The following RANBP17 variants were observed in gnomAD, a reference collection of about 807,000 sequenced individuals.
RANBP17 encodes the protein RAN binding protein 17.
RANBP17 carries 158 observed loss-of-function variants against 141.2 expected under a neutral mutation model. The ratio of observed to expected loss-of-function variants is 1.12; its 90% CI spans 0.98 to 1.28. The LOEUF is 1.28. Ranked by LOEUF, RANBP17 falls within the 50% of genes most tolerant of loss-of-function variation. The pLI, the probability that RANBP17 is intolerant of heterozygous loss-of-function variation, is 0.00. For synonymous variants in RANBP17, 430 were observed against 450.0 expected (o/e 0.96, Z 0.56); for missense variants, 1,438 against 1,290.7 (o/e 1.11, Z -1.75).
intron 14 of RANBP17, among the ~76,000 whole-genome samples, chr5:171,070,034 A>C (rs1008608583): frequency 2.0e-5 from 3 of 152,208 alleles, no homozygotes; most frequent in Admixed American, 6.5e-5. Flanking sequence ...AACTCAGTAC[A>C]CAAAATTTCT....
chr5:171,064,524 T>G (rs2127680823), intron 14 of RANBP17, among the ~76,000 whole-genome samples: 1 of 152,260 alleles, frequency 6.6e-6, no homozygotes, highest in Admixed American at 6.5e-5. Flanking sequence ...TCAGACAGGG[T>G]TTCACTCTGT....
chr5:171,031,502 T>C (rs531141224), intron 14 of RANBP17, among the ~76,000 whole-genome samples: 19 of 152,160 alleles, frequency 1.2e-4, no homozygotes, highest in African/African-American at 4.3e-4. Context: ...CCAGGCATTA[T>C]GGAGATGATA....
At chr5:170,950,389 A>C (rs1581219280) in intron 12 of RANBP17, among the ~76,000 whole-genome samples, 2 of 146,062 alleles carry the variant, frequency 1.4e-5, no homozygotes, top group South Asian at 4.4e-4. Context: ...AAACAAAAAC[A>C]AAAAAAAAAT....
chr5:171,289,224 C>T (rs772286111), intron 25 of RANBP17, among the ~76,000 whole-genome samples: 82 of 152,332 alleles, frequency 5.4e-4, no homozygotes, highest in Non-Finnish European at 6.9e-4. Flanking sequence ...CCATTGCAAT[C>T]ATCACCCTGT....
At chr5:170,870,416 G>T (rs1767625433) in intron 1 of RANBP17, among the ~76,000 whole-genome samples, 1 of 150,806 alleles carries the variant, frequency 6.6e-6, no homozygotes. Flanking sequence ...TCCCCTCCCT[G>T]TGTCCATGTG....
chr5:171,050,004 G>GAATC (rs1266194981), intron 14 of RANBP17, among the ~76,000 whole-genome samples: 1 of 152,134 alleles, frequency 6.6e-6, no homozygotes, highest in Non-Finnish European at 1.5e-5. Context: ...ATTCTGTGAA[G>GAATC]AATCACATTG....
intron 4 of RANBP17, among the ~76,000 whole-genome samples, chr5:170,893,788 G>A (rs1257412834): frequency 6.2e-5 from 9 of 145,780 alleles, no homozygotes; most frequent in East Asian, 2.0e-4. Flanking sequence ...GCAAGACTCC[G>A]TCTCAAAAAA....
At chr5:170,955,551 C>T in intron 13 of RANBP17, among the ~76,000 whole-genome samples, 1 of 43,348 alleles carries the variant, frequency 2.3e-5, no homozygotes, top group African/African-American at 6.6e-5. Context: ...TATGCTCAGT[C>T]TGTGTATATA....
intron 18 of RANBP17, among the ~76,000 whole-genome samples, chr5:171,188,710 T>C (rs776867920): frequency 1.3e-5 from 2 of 152,218 alleles, no homozygotes; most frequent in Non-Finnish European, 2.9e-5. Context: ...CATTTCCTTT[T>C]TGATATGGTC....
intron 3 of RANBP17, among the ~76,000 whole-genome samples, chr5:170,883,070 T>C (rs1768849412): frequency 6.6e-6 from 1 of 152,218 alleles, no homozygotes; most frequent in Admixed American, 6.5e-5. Context: ...TGTTTTCCTC[T>C]ATATTGACTG....
chr5:171,106,211 G>C (rs991366831), intron 14 of RANBP17, among the ~76,000 whole-genome samples: 1 of 152,184 alleles, frequency 6.6e-6, no homozygotes, highest in African/African-American at 2.4e-5. Flanking sequence ...GGTTACAGCA[G>C]CCCTTAAGAG....
intron 5 of RANBP17, among the ~76,000 whole-genome samples, chr5:170,899,038 T>G (rs935386926): frequency 2.5e-4 from 38 of 152,310 alleles, no homozygotes; most frequent in African/African-American, 6.7e-4. Flanking sequence ...TTAAAGTAGT[T>G]TTTTCTAATT....
At chr5:170,891,491 C>A (rs1769596203) in intron 3 of RANBP17, among the ~76,000 whole-genome samples, 1 of 152,130 alleles carries the variant, frequency 6.6e-6, no homozygotes, top group Non-Finnish European at 1.5e-5. Flanking sequence ...TTAGTTGGTT[C>A]TCACACTGCT....
intron 14 of RANBP17, among the ~76,000 whole-genome samples, chr5:171,049,258 G>T (rs1782797832): frequency 6.6e-6 from 1 of 152,116 alleles, no homozygotes; most frequent in Admixed American, 6.5e-5. Flanking sequence ...TTATATGCTT[G>T]TTGGCTGCAT....
chr5:171,239,575 A>G (rs1391500450), intron 22 of RANBP17, among the ~76,000 whole-genome samples: 2 of 152,186 alleles, frequency 1.3e-5, no homozygotes, highest in African/African-American at 4.8e-5. Context: ...AATATCACTG[A>G]TCAGCCCTCC....
intron 14 of RANBP17, among the ~76,000 whole-genome samples, chr5:171,116,727 AT>A (rs1262092430): frequency 6.6e-6 from 1 of 152,182 alleles, no homozygotes; most frequent in Non-Finnish European, 1.5e-5. Context: ...AACTATAGCC[AT>A]TCTACTATAG....
intron 14 of RANBP17, among the ~76,000 whole-genome samples, chr5:170,989,671 G>T (rs960431899): frequency 1.3e-5 from 2 of 151,656 alleles, no homozygotes; most frequent in Non-Finnish European, 3.0e-5. Context: ...TTGGTATTAA[G>T]TAGTTTAAAC....
At chr5:171,091,845 G>C (rs1786308107) in intron 14 of RANBP17, among the ~76,000 whole-genome samples, 2 of 152,160 alleles carry the variant, frequency 1.3e-5, no homozygotes, top group South Asian at 2.1e-4. Context: ...ACATGGAACT[G>C]TAAGTCCAGT....
chr5:171,159,225 G>A (rs1240828703), intron 14 of RANBP17, among the ~76,000 whole-genome samples: 1 of 152,120 alleles, frequency 6.6e-6, no homozygotes, highest in African/African-American at 2.4e-5. Flanking sequence ...TATCACATTG[G>A]CTATGTATGT....
Sources: allele counts gnomAD v4.1 joint callset (sites outside exome capture counted in the v4.1 genomes callset), GRCh38; gene constraint gnomAD v4.1.1; transcripts MANE v1.5; gene names NCBI Gene and HGNC (gene_info 2026-07-23, HGNC 2026-07-21).